ATAD2: variants seen among roughly 807,000 people sequenced by gnomAD.
ATAD2 encodes ATPase family AAA domain-containing protein 2.
ATAD2 carries 62 observed loss-of-function variants against 168.9 expected under a neutral mutation model. The ratio of observed to expected loss-of-function variants is 0.37; its 90% confidence interval spans 0.30 to 0.45. The LOEUF (loss-of-function observed/expected upper bound fraction) is 0.45. ATAD2 is among the 20% of genes least tolerant of loss of function. The pLI is 1.00. For missense variants in ATAD2, 1,419 were observed against 1,667.8 expected, an observed-to-expected ratio of 0.85 and a Z score of 2.60; for synonymous variants, 613 against 571.6, an observed-to-expected ratio of 1.07 and a Z score of -1.03.
chr8:123,342,170 T>C (rs1586866100), intron 19 of ATAD2, among the ~76,000 whole-genome samples: 1 of 152,334 alleles, frequency 6.6e-6, no homozygotes, highest in Non-Finnish European at 1.5e-5. Context: ...AATGACTGCA[T>C]AGCAGAAGAC....
chr8:123,399,001 G>C (rs913245745), upstream of ATAD2, among the ~76,000 whole-genome samples: 10 of 152,090 alleles, frequency 6.6e-5, no homozygotes, highest in Non-Finnish European at 1.2e-4. Flanking sequence ...GGTGGCTCAC[G>C]CCTGTAATCC....
chr8:123,383,327 C>T (rs1460115302), intron 1 of ATAD2, among the ~76,000 whole-genome samples: 3 of 151,584 alleles, frequency 2.0e-5, no homozygotes, highest in Admixed American at 2.0e-4. Context: ...ACATGTATCC[C>T]AGAACTTAAA....
rs563417449 is a variant in ATAD2 at position 123,333,883 on chromosome 8, G to A, written c.3473C>T (p.Thr1158Ile). Residue 1158 changes from threonine (T) to isoleucine (I), a missense_variant, in exon 24 of 28, where the codon ACT (threonine) becomes ATT (isoleucine). Thr to Ile is a moderately conservative substitution (Grantham distance 89, BLOSUM62 -1). Around this residue, in one of 5 missense-constraint regions of ATAD2, gnomAD observed 303 missense variants for 304.3 expected, o/e 1.00. Coordinates refer to ENST00000287394, the MANE Select transcript of ATAD2 (RefSeq NM_014109.4). Reference sequence around the variant, plus strand: ...AAAACTACTTGAGTACTTACCAGGAGTGCTGCAAGCCACAGGAGTACTCGG... The same window carrying A: ...AAAACTACTTGAGTACTTACCAGGAATGCTGCAAGCCACAGGAGTACTCGG... ...KTPSTPVACS[T>I]PAQLKRKIRK... 40 of 1,611,102 alleles carry A rather than the reference G, an allele frequency of 2.5e-5. 2 individuals are homozygous for A. The South Asian group carries it at 4.3e-4, about 17-fold the overall frequency.
intron 1 of ATAD2, among the ~76,000 whole-genome samples, chr8:123,395,207 T>C (rs1378395166): frequency 6.6e-6 from 1 of 152,150 alleles, no homozygotes; most frequent in Non-Finnish European, 1.5e-5. Flanking sequence ...TCCAGCTATA[T>C]ATTACTTGCT....
At chr8:123,346,552 C>T in intron 17 of ATAD2, 66 bp downstream of exon 17, 1 of 1,367,724 alleles carries the variant, frequency 7.3e-7, no homozygotes. Context: ...ATTTTTTCAA[C>T]CACATCTCAT....
At chr8:123,389,986 T>TATATATATATATACATATA (rs58743148) in intron 1 of ATAD2, among the ~76,000 whole-genome samples, 1 of 67,676 alleles carries the variant, frequency 1.5e-5, no homozygotes, top group South Asian at 5.1e-4. Context: ...ATATATATAT[T>TATATATATATATACATATA]TTTTTTTTTT....
chr8:123,399,205 TG>T (rs1270679243), upstream of ATAD2, among the ~76,000 whole-genome samples: 2 of 150,232 alleles, frequency 1.3e-5, no homozygotes, highest in Non-Finnish European at 3.0e-5. Flanking sequence ...GAGGTTGCAG[TG>T]AGCCGAGATG....
chr8:123,345,211 A>ATTCACCCTTAATATCTTTGTG, intron 18 of ATAD2, 142 bp from the exon 19 acceptor site: 1 of 641,910 alleles, frequency 1.6e-6, no homozygotes. Flanking sequence ...AAAATCCCAC[A>ATTCACCCTTAATATCTTTGTG]ACCTTATTTT....
intron 6 of ATAD2, 79 bp downstream of exon 6, chr8:123,370,824 T>C: frequency 9.8e-7 from 1 of 1,021,422 alleles, no homozygotes; most frequent in Non-Finnish European, 1.4e-6. Flanking sequence ...TCACACCTTC[T>C]AGCTAAAAAG....
chr8:123,361,579 C>T lies in ATAD2; in HGVS notation c.1117G>A (p.Glu373Lys), dbSNP rs377002025. The T allele has an allele frequency of 3.1e-6, 5 of 1,613,498 alleles. No individual in the cohort carries two copies. The highest frequency in any genetic ancestry group is 4.2e-6 in the Non-Finnish European group (5 of 1,179,588). ...SSSSEDEQHF[E>K]RRRKRSRNRA... is the part of the protein sequence containing the mutation. ...TTACGACTCCTTTTCCTCCGCCTCT[C>T]AAAGTGCTGTTCATCTTCAGAGGAG... Residue 373 changes from glutamate to lysine, a missense_variant, in exon 9 of 28, where the codon GAG (glutamate) becomes AAG (lysine). Physicochemically the swap from Glu to Lys is moderately conservative, Grantham distance 56. This residue lies in a region of ATAD2 where 146 missense variants were observed against 188.3 expected (regional missense o/e 0.78). Coordinates refer to ENST00000287394, the MANE Select transcript of ATAD2 (RefSeq NM_014109.4).
At chr8:123,407,092 T>G (rs919242912) in intron 1 of ATAD2, among the ~76,000 whole-genome samples, 2 of 152,128 alleles carry the variant, frequency 1.3e-5, no homozygotes, top group East Asian at 3.9e-4. Flanking sequence ...AGGCAGAGAT[T>G]GCAGTGATGT....
At chr8:123,367,207 A>T (rs1829006317) in intron 8 of ATAD2, among the ~76,000 whole-genome samples, 1 of 152,092 alleles carries the variant, frequency 6.6e-6, no homozygotes, top group African/African-American at 2.4e-5. Flanking sequence ...TGAGGTCAGG[A>T]ATTTGAGACC....
chr8:123,381,011 T>C (rs552744888), intron 1 of ATAD2: 34 of 200,322 alleles, frequency 1.7e-4, no homozygotes, highest in African/African-American at 7.8e-4. Flanking sequence ...GGTACTCATT[T>C]ATTTTAAGGC....
At chr8:123,353,620 A>G (rs139123380) in intron 13 of ATAD2, among the ~76,000 whole-genome samples, 1 of 150,766 alleles carries the variant, frequency 6.6e-6, no homozygotes, top group African/African-American at 2.4e-5. Flanking sequence ...GCTTGTCTTG[A>G]TCGTTTCTGC....
At chr8:123,350,332 G>C (rs373205373) in intron 13 of ATAD2, among the ~76,000 whole-genome samples, 147 of 152,252 alleles carry the variant, frequency 9.7e-4, no homozygotes, top group African/African-American at 3.4e-3. Flanking sequence ...AATATTTCAT[G>C]TAAGTACTTC....
intron 26 of ATAD2, among the ~76,000 whole-genome samples, chr8:123,325,015 G>A (rs1345245465): frequency 6.6e-6 from 1 of 151,218 alleles, no homozygotes; most frequent in African/African-American, 2.4e-5. Context: ...TTCGAGACCA[G>A]ACTGGGCAAC....
chr8:123,321,593 CTTTT>C (rs1224899876), intron 27 of ATAD2, among the ~76,000 whole-genome samples: 1 of 151,776 alleles, frequency 6.6e-6, no homozygotes, highest in Non-Finnish European at 1.5e-5. Flanking sequence ...TAAGTAATAT[CTTTT>C]TTTAAAATTT....
At chr8:123,372,381 G>C (rs1218147651) in intron 3 of ATAD2, among the ~76,000 whole-genome samples, 2 of 152,192 alleles carry the variant, frequency 1.3e-5, no homozygotes, top group Admixed American at 1.3e-4. Context: ...GAAACTGGTG[G>C]GGAGTAGTGT....
chr8:123,359,091 GA>G, intron 11 of ATAD2, 129 bp downstream of exon 11: 3 of 589,150 alleles, frequency 5.1e-6, no homozygotes, highest in Non-Finnish European at 8.7e-6. Flanking sequence ...GATTCAGAGA[GA>G]AAAGTTGTAT....
Sources: gnomAD v4.1 joint callset for allele counts (sites outside exome capture counted in the v4.1 genomes callset) on GRCh38, gnomAD v4.1.1 for gene constraint, gnomAD v4.1.1 regional missense constraint, MANE v1.5 for transcripts, NCBI Gene and HGNC (gene_info 2026-07-23, HGNC 2026-07-21) for gene names.